Variants in GLIS3 observed in about 807,000 individuals in gnomAD.
GLIS3 encodes the protein GLIS family zinc finger 3.
Under a neutral mutation model 78.6 loss-of-function variants are expected in GLIS3, and 53 were observed. That is an observed-to-expected ratio of 0.67 (90% confidence interval 0.54 to 0.85). The LOEUF (loss-of-function observed/expected upper bound fraction) is 0.85. GLIS3 is among the 40% of genes least tolerant of loss of function. GLIS3 has a pLI of 0.00. For synonymous variants in GLIS3, 684 were observed against 509.9 expected (o/e 1.34, Z -4.60); for missense variants, 1,703 against 1,231.1 (o/e 1.38, Z -5.74).
At chr9:3,959,106 T>C (rs1191428254) in intron 4 of GLIS3, among the ~76,000 whole-genome samples, 2 of 152,166 alleles carry the variant, frequency 1.3e-5, no homozygotes, top group East Asian at 3.9e-4. Flanking sequence ...AACCCCACCC[T>C]CTAAGGTGAT....
At chr9:4,155,325 C>G (rs1834970943) in intron 2 of GLIS3, among the ~76,000 whole-genome samples, 1 of 152,182 alleles carries the variant, frequency 6.6e-6, no homozygotes. Context: ...CAAATGACAT[C>G]AGCAGTGGAT....
intron 4 of GLIS3, among the ~76,000 whole-genome samples, chr9:3,953,762 T>TCC (rs1563886228): frequency 7.1e-5 from 5 of 70,736 alleles, no homozygotes; most frequent in Admixed American, 3.2e-4. Context: ...TTAGATTTGC[T>TCC]CTCTCTCTCT....
chr9:4,074,766 C>T (rs560626827), intron 4 of GLIS3, among the ~76,000 whole-genome samples: 2 of 152,318 alleles, frequency 1.3e-5, no homozygotes, highest in African/African-American at 4.8e-5. Flanking sequence ...CTCCTGGTCT[C>T]AGCCATCTCT....
chr9:4,012,350 T>C (rs941835252), intron 4 of GLIS3, among the ~76,000 whole-genome samples: 1 of 152,178 alleles, frequency 6.6e-6, no homozygotes, highest in Non-Finnish European at 1.5e-5. Flanking sequence ...AATGTACATT[T>C]TGAAGAACCA....
chr9:4,157,985 G>A (rs1233842749), intron 2 of GLIS3, among the ~76,000 whole-genome samples: 2 of 152,110 alleles, frequency 1.3e-5, no homozygotes, highest in Non-Finnish European at 2.9e-5. Context: ...TGTATATATT[G>A]CAAGCATGCC....
At chr9:4,189,831 T>TG (rs1032214633) in intron 2 of GLIS3, among the ~76,000 whole-genome samples, 2 of 152,164 alleles carry the variant, frequency 1.3e-5, no homozygotes, top group Admixed American at 1.3e-4. Context: ...GCCTTTTTTT[T>TG]TGTTTTCCAT....
intron 2 of GLIS3, among the ~76,000 whole-genome samples, chr9:4,238,347 G>A (rs1230300113): frequency 6.6e-6 from 1 of 152,130 alleles, no homozygotes; most frequent in South Asian, 2.1e-4. Context: ...TTTTGGTGGA[G>A]AGGAAGAATA....
At chr9:3,906,102 G>A (rs1042292573) in intron 6 of GLIS3, among the ~76,000 whole-genome samples, 7 of 152,234 alleles carry the variant, frequency 4.6e-5, no homozygotes, top group Admixed American at 4.6e-4. Context: ...GCAAGAGGAA[G>A]GGTGCAGGAT....
chr9:4,364,756 C>CTTT, the GLIS3 span, among the ~76,000 whole-genome samples: 9,836 of 60,348 alleles, frequency 0.16, 1,883 homozygotes, highest in East Asian at 0.37. Flanking sequence ...TCATGTATTG[C>CTTT]TTTTTTTTTT....
the GLIS3 span, among the ~76,000 whole-genome samples, chr9:4,457,360 C>CAAAAAAAAAAAAAAAA: frequency 2.7e-4 from 34 of 125,696 alleles, no homozygotes; most frequent in African/African-American, 9.3e-4. Flanking sequence ...GACCTTGTCT[C>CAAAAAAAAAAAAAAAA]AAAAAAAAAA....
chr9:4,060,372 C>T (rs182223852), intron 4 of GLIS3, among the ~76,000 whole-genome samples: 4 of 152,248 alleles, frequency 2.6e-5, no homozygotes, highest in Admixed American at 1.3e-4. Flanking sequence ...AGTGGTCATC[C>T]CTTTCAACTG....
intron 4 of GLIS3, among the ~76,000 whole-genome samples, chr9:4,020,445 C>T (rs145908741): frequency 2.0e-5 from 3 of 152,106 alleles, no homozygotes; most frequent in Non-Finnish European, 2.9e-5. Context: ...TGAGTGCTTG[C>T]GTTTACATCG....
intron 2 of GLIS3, among the ~76,000 whole-genome samples, chr9:4,247,843 G>T (rs1279196767): frequency 1.3e-5 from 2 of 152,118 alleles, no homozygotes; most frequent in Admixed American, 6.6e-5. Flanking sequence ...AATTTGCAGT[G>T]ATTAAATCAA....
intron 1 of GLIS3, among the ~76,000 whole-genome samples, chr9:4,295,807 G>A (rs554764143): frequency 6.6e-6 from 1 of 152,174 alleles, no homozygotes; most frequent in Admixed American, 6.5e-5. Flanking sequence ...TGTCAACTCT[G>A]CCTAAAGTAA....
chr9:4,076,699 G>A (rs1828088646), intron 4 of GLIS3, among the ~76,000 whole-genome samples: 1 of 152,108 alleles, frequency 6.6e-6, no homozygotes, highest in South Asian at 2.1e-4. Flanking sequence ...GAATGTTTCT[G>A]TGATGCCACT....
Position 4,117,800 on chromosome 9 carries a change from C to G in GLIS3, c.1678G>C (p.Val560Leu). 6.2e-7 allele frequency: 1 copy of G among 1,614,168 alleles called. No individual in the cohort carries two copies. The highest frequency in any genetic ancestry group is 8.5e-7 in the Non-Finnish European group (1 of 1,180,036). ...ARYKLLIHMR[V>L]HSGEKPNKCT... is the part of the protein sequence containing the mutation. ...TTGTTGGGCTTCTCCCCAGAGTGGA[C>G]TCTCATGTGGATCAGCAGTTTATAG... Residue 560 changes from valine to leucine, a missense_variant, in exon 4 of 11, where the codon GTC (valine) becomes CTC (leucine). Coordinates refer to ENST00000381971, the MANE Select transcript of GLIS3 (RefSeq NM_001042413.2).
chr9:3,842,194 C>G (rs1334483384), intron 9 of GLIS3, among the ~76,000 whole-genome samples: 1 of 152,186 alleles, frequency 6.6e-6, no homozygotes, highest in Non-Finnish European at 1.5e-5. Flanking sequence ...ACTTCCCCAG[C>G]TGGGTGCGGT....
intron 2 of GLIS3, among the ~76,000 whole-genome samples, chr9:4,219,387 C>T (rs1821126123): frequency 6.6e-6 from 1 of 152,258 alleles, no homozygotes; most frequent in Admixed American, 6.5e-5. Context: ...TGGACACTCA[C>T]AGCCCCCAGG....
the GLIS3 span, among the ~76,000 whole-genome samples, chr9:4,467,569 C>A: frequency 1.3e-5 from 2 of 152,160 alleles, no homozygotes; most frequent in African/African-American, 4.8e-5. Context: ...AGCTGAGGGA[C>A]CTGACTGTTA....
Sources: allele counts gnomAD v4.1 joint callset (sites outside exome capture counted in the v4.1 genomes callset), GRCh38; gene constraint gnomAD v4.1.1; transcripts MANE v1.5; gene names NCBI Gene and HGNC (gene_info 2026-07-23, HGNC 2026-07-21).